The following PLCB1 variants were observed in gnomAD, a reference collection of about 807,000 sequenced individuals.
The protein encoded by PLCB1 is phospholipase C beta 1.
In PLCB1, 46 loss-of-function variants were observed where a neutral mutation model predicts 161.8. That is an observed-to-expected ratio of 0.28 (90% confidence interval 0.22 to 0.36). PLCB1 has a LOEUF of 0.36. Among genes scored for constraint, PLCB1 ranks in the 10% least tolerant of loss-of-function variants. The pLI is 1.00. For synonymous variants in PLCB1, 517 were observed against 503.7 expected (o/e 1.03, Z -0.35); for missense variants, 1,016 against 1,472.5 (o/e 0.69, Z 5.07).
chr20:8,327,530 G>A lies in PLCB1; in HGVS notation c.178-43852G>A, dbSNP rs145571002. On this transcript the variant is annotated intron_variant, in intron 2 of 31. Coordinates refer to ENST00000338037, the MANE Select transcript of PLCB1 (RefSeq NM_015192.4). Reference sequence around the variant, plus strand: ...AGTTCAACCAACAGACTCAGAAGTTGCTCTTGCCAAAACGAAGAAAGGAAA... The same window carrying A: ...AGTTCAACCAACAGACTCAGAAGTTACTCTTGCCAAAACGAAGAAAGGAAA... Among the ~76,000 whole-genome samples, 1,170 of 152,288 alleles carry A rather than the reference G, an allele frequency of 7.7e-3. 6 individuals carry two copies. Among genetic ancestry groups the A allele is most frequent in the Non-Finnish European group, 0.012 (807 of 68,010 alleles).
chr20:8,680,055 A>G (rs1242233103), intron 9 of PLCB1, among the ~76,000 whole-genome samples: 1 of 152,190 alleles, frequency 6.6e-6, no homozygotes, highest in Non-Finnish European at 1.5e-5. Context: ...GACCACTGGC[A>G]AGAATGGAAG....
intron 3 of PLCB1, among the ~76,000 whole-genome samples, chr20:8,590,299 T>C (rs1987110177): frequency 6.6e-6 from 1 of 152,202 alleles, no homozygotes; most frequent in South Asian, 2.1e-4. Context: ...TTAATCCTGC[T>C]TTATTTTCAT....
chr20:8,840,267 C>T (rs1480007990), intron 31 of PLCB1, among the ~76,000 whole-genome samples: 1 of 152,148 alleles, frequency 6.6e-6, no homozygotes, highest in East Asian at 1.9e-4. Context: ...GCGCCTCAGT[C>T]AGCCAATCTA....
chr20:8,538,569 G>T lies in PLCB1; in HGVS notation c.247-89725G>T, dbSNP rs189018075. On this transcript the variant is annotated intron_variant, in intron 3 of 31. Transcript: ENST00000338037. ...TCCCTATGTTGCCCACCCTTGTCTT[G>T]AGCTCCTGGGCTTAAGTGATCCTCC... 4.1e-4 allele frequency among the ~76,000 whole-genome samples: 62 copies of T among 152,128 alleles called. No individual in the cohort carries two copies. The East Asian group carries it at 9.1e-3, about 22-fold the overall frequency.
chr20:8,704,353 C>CAA (rs754528316), intron 11 of PLCB1, among the ~76,000 whole-genome samples: 7 of 111,966 alleles, frequency 6.3e-5, no homozygotes, highest in African/African-American at 1.7e-4. Flanking sequence ...GACTTCGTTT[C>CAA]AAAAAAAAAA....
intron 3 of PLCB1, among the ~76,000 whole-genome samples, chr20:8,489,514 G>A (rs965631207): frequency 2.6e-5 from 4 of 151,872 alleles, no homozygotes; most frequent in African/African-American, 7.3e-5. Context: ...CCTTTTTTCC[G>A]CCTTCTTCTG....
At chr20:8,618,456 G>T (rs1310078497) in intron 3 of PLCB1, among the ~76,000 whole-genome samples, 1 of 151,876 alleles carries the variant, frequency 6.6e-6, no homozygotes, top group Non-Finnish European at 1.5e-5. Context: ...TGAGCCCAGT[G>T]GTTCAAGCCC....
intron 15 of PLCB1, among the ~76,000 whole-genome samples, 171 bp downstream of exon 15, chr20:8,722,592 G>A (rs1264935286): frequency 1.3e-5 from 2 of 152,056 alleles, no homozygotes; most frequent in South Asian, 2.1e-4. Flanking sequence ...TCCACAATCC[G>A]GAGAAGATAT....
At chr20:8,391,826 C>G (rs1038336746) in intron 3 of PLCB1, among the ~76,000 whole-genome samples, 5 of 113,172 alleles carry the variant, frequency 4.4e-5, no homozygotes, top group African/African-American at 1.6e-4. Context: ...TATATATATA[C>G]ACACACATAT....
At chr20:8,471,504 A>C (rs190803870) in intron 3 of PLCB1, among the ~76,000 whole-genome samples, 86 of 152,268 alleles carry the variant, frequency 5.6e-4, no homozygotes, top group African/African-American at 2.0e-3. Flanking sequence ...TTGTTAAGTT[A>C]CGTGTTACAA....
intron 2 of PLCB1, among the ~76,000 whole-genome samples, chr20:8,365,501 G>A (rs887290822): frequency 1.4e-4 from 22 of 152,086 alleles, no homozygotes; most frequent in Non-Finnish European, 2.9e-5. Context: ...GGTGGCAGAC[G>A]GTGCAGAGAT....
intron 2 of PLCB1, among the ~76,000 whole-genome samples, chr20:8,367,878 G>A (rs1354751335): frequency 6.6e-6 from 1 of 152,130 alleles, no homozygotes; most frequent in African/African-American, 2.4e-5. Context: ...AAACTCCAGA[G>A]GGGTGGCTGT....
intron 2 of PLCB1, among the ~76,000 whole-genome samples, chr20:8,220,451 A>G (rs960883682): frequency 2.0e-5 from 3 of 152,174 alleles, no homozygotes; most frequent in Admixed American, 2.0e-4. Context: ...TGAAGATAAA[A>G]TTAGTTAAGA....
At chr20:8,646,228 C>A in intron 5 of PLCB1, 47 bp downstream of exon 5, 1 of 1,246,728 alleles carries the variant, frequency 8.0e-7, no homozygotes, top group South Asian at 1.2e-5. Context: ...TCTTCTGAGT[C>A]AGTTTCCTTT....
intron 3 of PLCB1, among the ~76,000 whole-genome samples, chr20:8,482,591 A>G (rs1982551562): frequency 6.6e-6 from 1 of 152,230 alleles, no homozygotes; most frequent in South Asian, 2.1e-4. Context: ...TTCTAAAATT[A>G]TTTAATTTTC....
In PLCB1 at chr20:8,342,778, C is replaced by A. The variant is rs558315080; in HGVS notation, c.178-28604C>A. On this transcript the variant is annotated intron_variant, in intron 2 of 31. Transcript: ENST00000338037. Reference sequence around the variant, plus strand: ...TTCCCAAAGAAAGAGACAAAAAAATCCTTGGAAGTGTTACACTAATGACTT... The same window carrying A: ...TTCCCAAAGAAAGAGACAAAAAAATACTTGGAAGTGTTACACTAATGACTT... Among the ~76,000 whole-genome samples the A allele has an allele frequency of 3.9e-5, 6 of 152,254 alleles. No individual in the cohort carries two copies. In the South Asian group the frequency reaches 1.2e-3, roughly 32 times the overall value.
intron 2 of PLCB1, among the ~76,000 whole-genome samples, chr20:8,259,739 C>T (rs180993955): frequency 2.6e-5 from 4 of 152,158 alleles, no homozygotes; most frequent in African/African-American, 9.7e-5. Flanking sequence ...CTGCTTAAAT[C>T]CAAAATATGC....
At chr20:8,697,852 A>C in intron 11 of PLCB1, 69 bp downstream of exon 11, 1 of 1,401,114 alleles carries the variant, frequency 7.1e-7, no homozygotes, top group Non-Finnish European at 9.9e-7. Flanking sequence ...AAAGCCTCCT[A>C]AGGTAGAAAG....
intron 3 of PLCB1, among the ~76,000 whole-genome samples, chr20:8,378,089 A>G (rs1987147581): frequency 6.6e-6 from 1 of 152,226 alleles, no homozygotes; most frequent in Non-Finnish European, 1.5e-5. Context: ...AGGAACTTGA[A>G]CAGACACTTG....
Sources: allele counts gnomAD v4.1 joint callset (sites outside exome capture counted in the v4.1 genomes callset), GRCh38; gene constraint gnomAD v4.1.1; transcripts MANE v1.5; gene names NCBI Gene and HGNC (gene_info 2026-07-23, HGNC 2026-07-21).